Variants in NT5DC4 observed in about 807,000 individuals in gnomAD.
The protein encoded by NT5DC4 is 5'-nucleotidase domain-containing protein 4.
Under a neutral mutation model 26.6 loss-of-function variants are expected in NT5DC4, and 44 were observed. The observed-to-expected ratio is 1.65, with a 90% CI of 1.30 to 2.13. The LOEUF (loss-of-function observed/expected upper bound fraction) is 2.13. Among genes scored for constraint, NT5DC4 ranks in the 30% most tolerant of loss-of-function variants. The pLI, the probability that NT5DC4 is intolerant of heterozygous loss-of-function variation, is 0.00. For synonymous variants in NT5DC4, 157 were observed against 86.7 expected (o/e 1.81, Z -4.51); for missense variants, 399 against 228.1 (o/e 1.75, Z -4.83).
At chr2:112,723,245 C>T (rs1291687978) in intron 7 of NT5DC4, 71 bp downstream of exon 7, 1 of 716,250 alleles carries the variant, frequency 1.4e-6, no homozygotes, top group East Asian at 2.7e-5. Flanking sequence ...GCCTTCAGGC[C>T]TCCAGTCCCC....
At chr2:112,723,833 G>A (rs751242717) in intron 9 of NT5DC4, 31 bp downstream of exon 9, 13 of 716,084 alleles carry the variant, frequency 1.8e-5, no homozygotes, top group South Asian at 5.9e-5. Flanking sequence ...GTGGACCGTC[G>A]GCCTCCTTCC....
intron 16 of NT5DC4, among the ~76,000 whole-genome samples, chr2:112,730,248 G>C (rs760688183): frequency 8.3e-5 from 12 of 143,882 alleles, no homozygotes; most frequent in Non-Finnish European, 1.5e-4. Context: ...AGGAGGCGGA[G>C]GTTGCGGTGA....
downstream of NT5DC4, among the ~76,000 whole-genome samples, chr2:112,740,097 T>C (rs1679798362): frequency 6.6e-6 from 1 of 152,204 alleles, no homozygotes; most frequent in Non-Finnish European, 1.5e-5. Flanking sequence ...CATTAAGAGG[T>C]AGTTTTTGGA....
rs1443889192 is a variant in NT5DC4, at chr2:112,724,763, C to T, written c.790-18C>T. The T allele has an allele frequency of 7.7e-5, 55 of 716,480 alleles. No homozygotes were observed. Among genetic ancestry groups the T allele is most frequent in the Non-Finnish European group, 1.2e-4 (47 of 384,812 alleles). 44.4% of individuals were successfully genotyped at this position (716,480 alleles called of 1,614,324 possible). A position where few individuals can be genotyped will look rare whatever the true frequency, so the allele number is the denominator to read the frequency against. ...TTTACCAGGCTGTGTGTGTGCAGCC[C>T]GTGTGCACCCCCAACAGGCTGAAGC... On this transcript the variant is annotated intron_variant, in intron 10 of 16. Coordinates refer to ENST00000688554, the MANE Select transcript of NT5DC4 (RefSeq NM_001393655.1).
At chr2:112,731,917 CTTTTTTT>C (rs749249208) in intron 16 of NT5DC4, among the ~76,000 whole-genome samples, 30 of 108,618 alleles carry the variant, frequency 2.8e-4, no homozygotes, top group East Asian at 1.5e-3. Context: ...AGAGAGTTTA[CTTTTTTT>C]TTTTTTTTTT....
chr2:112,742,574 G>A (rs1680046538), downstream of NT5DC4: 2 of 714,234 alleles, frequency 2.8e-6, no homozygotes, highest in African/African-American at 1.8e-5. Context: ...TGGCTGAAAG[G>A]GCCAGGTCAT....
At chr2:112,723,865 C>CA (rs1433085632) in intron 9 of NT5DC4, 63 bp downstream of exon 9, 2 of 701,126 alleles carry the variant, frequency 2.9e-6, no homozygotes, top group African/African-American at 1.8e-5. Context: ...GACACAGTGG[C>CA]ACTGCAAGCA....
At chr2:112,725,818 G>A (rs551803960) in intron 13 of NT5DC4, among the ~76,000 whole-genome samples, 3 of 152,200 alleles carry the variant, frequency 2.0e-5, no homozygotes, top group Admixed American at 2.0e-4. Flanking sequence ...GTTTCTGCAG[G>A]CGGTGCCTTC....
chr2:112,738,522 A>G (rs897862455), intron 16 of NT5DC4: 1 of 286,658 alleles, frequency 3.5e-6, no homozygotes, highest in African/African-American at 2.2e-5. Context: ...GATATAAAAA[A>G]CTATGTTGGG....
intron 15 of NT5DC4, among the ~76,000 whole-genome samples, chr2:112,727,822 G>A (rs1377352106): frequency 6.6e-6 from 1 of 152,194 alleles, no homozygotes; most frequent in African/African-American, 2.4e-5. Flanking sequence ...AGCTGGACCT[G>A]TGCTACAGCA....
chr2:112,724,892 A>G lies in NT5DC4; in HGVS notation c.901A>G (p.Met301Val). The G allele has an allele frequency of 1.4e-6, 1 of 716,996 alleles. No individual in the cohort carries two copies. Among genetic ancestry groups the G allele is most frequent in the South Asian group, 1.5e-5 (1 of 67,594 alleles). The allele number at this position is 716,996 out of a possible 1,614,324, so 44.4% of individuals were successfully genotyped here. ...GGTCCTGAGGCAGGTCAACACGGTA[A>G]TGGCAGGTGCAGAGGTCAGTCCACC... ...GLVLRQVNTV[M>V]AGAEDSGKLH... Residue 301 changes from methionine to valine, a missense_variant, in exon 11 of 17, where the codon ATG (methionine) becomes GTG (valine). Physicochemically the swap from Met to Val is conservative, Grantham distance 21. Transcript: ENST00000688554.
chr2:112,739,170 A>C, downstream of NT5DC4: 3 of 770,456 alleles, frequency 3.9e-6, no homozygotes, highest in Non-Finnish European at 6.3e-6. Flanking sequence ...GATACAAGAG[A>C]TATGTCTAGA....
At chr2:112,723,293 C>G (rs1677186931) in intron 7 of NT5DC4, 119 bp downstream of exon 7, 3 of 703,762 alleles carry the variant, frequency 4.3e-6, no homozygotes, top group Admixed American at 2.1e-5. Flanking sequence ...GGACTGAGGT[C>G]TGGTCTGGGC....
chr2:112,730,827 CA>C (rs1424937088), intron 16 of NT5DC4, among the ~76,000 whole-genome samples: 1 of 152,166 alleles, frequency 6.6e-6, no homozygotes, highest in Non-Finnish European at 1.5e-5. Flanking sequence ...AGGAGAAGCT[CA>C]AAATTCAAGT....
chr2:112,736,475 GATA>G (rs2104817713), intron 16 of NT5DC4: 1 of 152,164 alleles, frequency 6.6e-6, no homozygotes, highest in East Asian at 1.9e-4. Context: ...GTTTTTTTGT[GATA>G]ATAGCAGCTA....
intron 9 of NT5DC4, 87 bp downstream of exon 9, chr2:112,723,889 G>A (rs1574241509): frequency 1.4e-6 from 1 of 700,842 alleles, no homozygotes. Flanking sequence ...GGGAGGGGTG[G>A]GGCGGGGAGC....
intron 16 of NT5DC4, among the ~76,000 whole-genome samples, chr2:112,735,381 C>T (rs1390989390): frequency 6.6e-6 from 1 of 152,076 alleles, no homozygotes; most frequent in African/African-American, 2.4e-5. Flanking sequence ...AAGACTCAGC[C>T]GAGTGCCTGG....
chr2:112,719,924 CTCTTTCTTTCTTTCTTTCTTTCTTTCTT>C (rs35714262), upstream of NT5DC4, among the ~76,000 whole-genome samples: 206 of 69,114 alleles, frequency 3.0e-3, no homozygotes, highest in African/African-American at 0.01. Context: ...TTCTTTCTTT[CTCTTTCTTTCTTTCTTTCTTTCTTTCTT>C]TCTTTCTTTC....
At chr2:112,739,639 G>T (rs1278027445), downstream of NT5DC4, among the ~76,000 whole-genome samples, 4 of 152,128 alleles carry the variant, frequency 2.6e-5, no homozygotes. Flanking sequence ...TTGAATTAAT[G>T]AATTCCAAGA....
Sources: allele counts gnomAD v4.1 joint callset (sites outside exome capture counted in the v4.1 genomes callset), GRCh38; gene constraint gnomAD v4.1.1; transcripts MANE v1.5; gene names NCBI Gene and HGNC (gene_info 2026-07-23, HGNC 2026-07-21).